SDHAF3: variants seen among roughly 807,000 people sequenced by gnomAD.
SDHAF3 encodes the protein succinate dehydrogenase assembly factor 3, mitochondrial.
In SDHAF3, 18 loss-of-function variants were observed where a neutral mutation model predicts 11.5. The observed-to-expected ratio is 1.56, with a 90% CI of 1.08 to 2.32. SDHAF3 has a LOEUF of 2.32. Ranked by LOEUF, SDHAF3 falls within the 30% of genes most tolerant of loss-of-function variation. The pLI is 0.00. For missense variants in SDHAF3, 200 were observed against 154.4 expected (o/e 1.30, Z -1.57); for synonymous variants, 72 against 59.3 (o/e 1.21, Z -0.99).
At chr7:97,134,740 C>G (rs1412835510) in intron 1 of SDHAF3, among the ~76,000 whole-genome samples, 1 of 152,222 alleles carries the variant, frequency 6.6e-6, no homozygotes, top group South Asian at 2.1e-4. Flanking sequence ...AGCCACCTCA[C>G]CCAGCTGAGA....
At chr7:97,144,729 A>T (rs1789109387) in intron 1 of SDHAF3, among the ~76,000 whole-genome samples, 1 of 151,954 alleles carries the variant, frequency 6.6e-6, no homozygotes, top group South Asian at 2.1e-4. Flanking sequence ...CACAGTTTGA[A>T]ATCATAGTGT....
chr7:97,151,587 C>G (rs1020119562), intron 1 of SDHAF3, among the ~76,000 whole-genome samples: 1 of 151,652 alleles, frequency 6.6e-6, no homozygotes, highest in Non-Finnish European at 1.5e-5. Flanking sequence ...CAAGCTCTGC[C>G]CCCCGGGTTC....
At chr7:97,135,596 T>G (rs1791743423) in intron 1 of SDHAF3, 1 of 144,808 alleles carries the variant, frequency 6.9e-6, no homozygotes, top group African/African-American at 2.6e-5. Context: ...TGTGTGTGTG[T>G]GTGTGTCTGT....
chr7:97,133,413 G>A (rs940769993), intron 1 of SDHAF3, among the ~76,000 whole-genome samples: 15 of 152,188 alleles, frequency 9.9e-5, no homozygotes, highest in Admixed American at 5.9e-4. Flanking sequence ...ATGACAGGGA[G>A]TGGGTAGGCG....
chr7:97,120,294 TCA>T (rs1791471485), intron 1 of SDHAF3, among the ~76,000 whole-genome samples: 2 of 152,170 alleles, frequency 1.3e-5, no homozygotes, highest in South Asian at 4.1e-4. Flanking sequence ...AACATAATTA[TCA>T]CAGTTACAAG....
At chr7:97,123,022 G>T (rs1291563738) in intron 1 of SDHAF3, among the ~76,000 whole-genome samples, 1 of 151,830 alleles carries the variant, frequency 6.6e-6, no homozygotes, top group Non-Finnish European at 1.5e-5. Flanking sequence ...TACATGTGCT[G>T]AACATGCAGG....
intron 1 of SDHAF3, among the ~76,000 whole-genome samples, chr7:97,146,553 A>C (rs1321677122): frequency 6.6e-6 from 1 of 152,164 alleles, no homozygotes; most frequent in South Asian, 2.1e-4. Context: ...TCTGTAATAC[A>C]GTGTCACTTT....
chr7:97,151,623 C>T (rs560152927), intron 1 of SDHAF3, among the ~76,000 whole-genome samples: 14 of 151,810 alleles, frequency 9.2e-5, no homozygotes, highest in South Asian at 2.1e-4. Context: ...CTCAGCCTCC[C>T]GAGTAGCTGG....
At chr7:97,158,673 C>A (rs1459887099) in intron 1 of SDHAF3, among the ~76,000 whole-genome samples, 2 of 152,122 alleles carry the variant, frequency 1.3e-5, no homozygotes, top group African/African-American at 4.8e-5. Context: ...GATGCATGAC[C>A]AGTGTCATTG....
chr7:97,167,742 G>T (rs543782053), intron 1 of SDHAF3, among the ~76,000 whole-genome samples: 2 of 152,130 alleles, frequency 1.3e-5, no homozygotes, highest in South Asian at 2.1e-4. Context: ...TGCACTGGGT[G>T]GGGGGCCCAC....
At chr7:97,161,660 C>T (rs1789413324) in intron 1 of SDHAF3, among the ~76,000 whole-genome samples, 1 of 152,106 alleles carries the variant, frequency 6.6e-6, no homozygotes, top group African/African-American at 2.4e-5. Flanking sequence ...TGTTCATCTC[C>T]CACTTATGAG....
intron 1 of SDHAF3, among the ~76,000 whole-genome samples, chr7:97,122,939 T>C (rs1191025791): frequency 6.6e-6 from 1 of 152,032 alleles, no homozygotes; most frequent in African/African-American, 2.4e-5. Flanking sequence ...TCCATCTGTA[T>C]GTAGTTGTTC....
At chr7:97,163,013 G>C (rs2115721711) in intron 1 of SDHAF3, among the ~76,000 whole-genome samples, 1 of 152,162 alleles carries the variant, frequency 6.6e-6, no homozygotes, top group Non-Finnish European at 1.5e-5. Flanking sequence ...CACTATCATT[G>C]TGTGGGAGTC....
At chr7:97,153,510 T>C (rs1789256918) in intron 1 of SDHAF3, among the ~76,000 whole-genome samples, 1 of 152,232 alleles carries the variant, frequency 6.6e-6, no homozygotes, top group Non-Finnish European at 1.5e-5. Flanking sequence ...GCAGTAAACA[T>C]CCGTTTGCAG....
intron 1 of SDHAF3, among the ~76,000 whole-genome samples, chr7:97,157,799 T>C (rs923056007): frequency 1.3e-5 from 2 of 151,552 alleles, no homozygotes; most frequent in African/African-American, 2.4e-5. Flanking sequence ...AAAAAATGAT[T>C]TCATGTCCTT....
intron 1 of SDHAF3, among the ~76,000 whole-genome samples, chr7:97,179,388 T>G (rs1256300813): frequency 1.3e-5 from 2 of 152,210 alleles, no homozygotes; most frequent in African/African-American, 4.8e-5. Flanking sequence ...ATACATAGAC[T>G]TGTAGCTTAT....
chr7:97,128,184 T>C (rs1347744727), intron 1 of SDHAF3, among the ~76,000 whole-genome samples: 1 of 152,184 alleles, frequency 6.6e-6, no homozygotes, highest in African/African-American at 2.4e-5. Context: ...TTTTAAAACA[T>C]TTTAACCATA....
intron 1 of SDHAF3, among the ~76,000 whole-genome samples, chr7:97,137,665 TGTGATAG>T (rs946467773): frequency 5.9e-5 from 9 of 152,152 alleles, no homozygotes; most frequent in Non-Finnish European, 1.3e-4. Flanking sequence ...CAAATCAATA[TGTGATAG>T]GGTGAGACCC....
At chr7:97,138,740 A>G (rs1394837064) in intron 1 of SDHAF3, among the ~76,000 whole-genome samples, 1 of 152,242 alleles carries the variant, frequency 6.6e-6, no homozygotes, top group Non-Finnish European at 1.5e-5. Flanking sequence ...CCAGTGCCTT[A>G]CACGTAGTAA....
Sources: gnomAD v4.1 joint callset for allele counts (sites outside exome capture counted in the v4.1 genomes callset) on GRCh38, gnomAD v4.1.1 for gene constraint, MANE v1.5 for transcripts, NCBI Gene and HGNC (gene_info 2026-07-23, HGNC 2026-07-21) for gene names.